CLIP2: variants seen among roughly 807,000 people sequenced by gnomAD.
The protein encoded by CLIP2 is CAP-Gly domain containing linker protein 2.
In CLIP2, 41 loss-of-function variants were observed where a neutral mutation model predicts 111.7. The observed-to-expected ratio is 0.37, with a 90% CI of 0.29 to 0.48. CLIP2 has a LOEUF of 0.48. CLIP2 is among the 20% of genes least tolerant of loss of function. The pLI, the probability that CLIP2 is intolerant of heterozygous loss-of-function variation, is 0.99. For missense variants in CLIP2, 1,160 were observed against 1,422.1 expected (o/e 0.82, Z 2.96); for synonymous variants, 660 against 644.2 (o/e 1.02, Z -0.37).
At chr7:74,374,704 G>A (rs911399157) in intron 9 of CLIP2, among the ~76,000 whole-genome samples, 1 of 151,934 alleles carries the variant, frequency 6.6e-6, no homozygotes, top group Non-Finnish European at 1.5e-5. Flanking sequence ...CTGGGCAAGA[G>A]AGTGAGACTC....
Position 74,356,506 on chromosome 7 carries a change from G to T in CLIP2, c.900G>T (p.Lys300Asn). Residue 300 changes from lysine to asparagine, a missense_variant, in exon 5 of 17, where the codon AAG becomes AAT. Coordinates refer to ENST00000223398, the MANE Select transcript of CLIP2 (RefSeq NM_003388.5). Reference sequence around the variant, plus strand: ...CTACCAGCCCAGCCAAGGCCAAGAAGACCAAGCGTATGGCCATGGGTGTGT... The same window carrying T: ...CTACCAGCCCAGCCAAGGCCAAGAATACCAAGCGTATGGCCATGGGTGTGT... Reference protein sequence around the residue: ...FPSTSPAKAKKTKRMAMGVSA... With the variant: ...FPSTSPAKAKNTKRMAMGVSA... The T allele has an allele frequency of 6.2e-7, 1 of 1,614,196 alleles. No individual in the cohort carries two copies. The highest frequency in any genetic ancestry group is 1.3e-5 in the African/African-American group (1 of 75,050).
At position 74,400,479 on chromosome 7, in the gene CLIP2, T is replaced by A; in HGVS notation, c.2990T>A (p.Leu997Gln). ...QHQLMSTEDA[L>Q]RDALDQAQQV... is the part of the protein sequence containing the mutation. ...CAGCTGATGAGCACGGAGGACGCCC[T>A]GCGGGATGCGCTGGACCAGGCTCAG... The change falls in exon 15 of 17, where the codon CTG (leucine) becomes CAG (glutamine). Residue 997 changes from leucine to glutamine, a missense_variant. Leu to Gln is a moderately radical substitution (Grantham distance 113). Transcript: ENST00000223398. The A allele has an allele frequency of 6.2e-7, 1 of 1,613,928 alleles. No homozygotes were observed. The highest frequency in any genetic ancestry group is 8.5e-7 in the Non-Finnish European group (1 of 1,179,894).
chr7:74,384,309 AT>A (rs2116676284), intron 11 of CLIP2, among the ~76,000 whole-genome samples: 1 of 152,170 alleles, frequency 6.6e-6, no homozygotes, highest in South Asian at 2.1e-4. Context: ...GCTGATGGGC[AT>A]TTGGGTTGTT....
chr7:74,386,303 G>C, intron 11 of CLIP2: 1 of 397,552 alleles, frequency 2.5e-6, no homozygotes, highest in Non-Finnish European at 4.5e-6. Flanking sequence ...GCCTCCCAAA[G>C]TGCTGGGATT....
In CLIP2 at chr7:74,360,245, T is replaced by C. The variant is rs1790289581; in HGVS notation, c.1286T>C (p.Val429Ala). 2 of 1,605,686 alleles carry C rather than the reference T, an allele frequency of 1.2e-6. No individual in the cohort carries two copies. Among genetic ancestry groups the C allele is most frequent in the African/African-American group, 2.7e-5 (2 of 74,930 alleles). ...LLVESVRKEKVDLSNQLEEER... is the reference protein window; with the variant it reads ...LLVESVRKEKADLSNQLEEER... ...GTGGAGAGCGTGCGGAAAGAGAAGG[T>C]GGACCTGTCCAACCAGCTGGAGGAG... Residue 429 changes from valine (V) to alanine (A), a missense_variant, in exon 7 of 17, where the codon GTG (valine) becomes GCG (alanine). Around this residue, in one of 5 missense-constraint regions of CLIP2, gnomAD observed 70 missense variants for 114.9 expected, o/e 0.61. Coordinates refer to ENST00000223398, the MANE Select transcript of CLIP2 (RefSeq NM_003388.5).
Position 74,370,473 on chromosome 7 carries a change from T to C in CLIP2, c.1381-2459T>C, listed in dbSNP as rs1177631357. On this transcript the variant is annotated intron_variant, in intron 8 of 16. Coordinates refer to ENST00000223398, the MANE Select transcript of CLIP2 (RefSeq NM_003388.5). ...TCCGTCTCAAAAAAAAAAAAAAAAC[T>C]AATTTAAAAATAAAAATGTAAATCA... Among the ~76,000 whole-genome samples, 162 of 149,534 alleles carry C rather than the reference T, an allele frequency of 1.1e-3. 1 individual carries two copies. Among genetic ancestry groups the C allele is most frequent in the Non-Finnish European group, 6.8e-4 (46 of 67,310 alleles).
intron 9 of CLIP2, 53 bp from the exon 10 acceptor site, chr7:74,375,834 C>A (rs1278331869): frequency 2.1e-6 from 3 of 1,437,592 alleles, no homozygotes; most frequent in East Asian, 5.0e-5. Context: ...GCCCTCCTTA[C>A]CTTCCAGCCA....
chr7:74,395,870 C>T (rs1562730235), intron 13 of CLIP2, among the ~76,000 whole-genome samples: 2 of 152,178 alleles, frequency 1.3e-5, no homozygotes, highest in African/African-American at 4.8e-5. Flanking sequence ...GGTTCAGGAG[C>T]TTAAGATCTC....
intron 12 of CLIP2, 103 bp downstream of exon 12, chr7:74,386,707 C>G (rs1193425600): frequency 1.2e-6 from 1 of 809,114 alleles, no homozygotes; most frequent in Non-Finnish European, 1.9e-6. Context: ...GCTTAGGGTC[C>G]CCTCCCCGAC....
chr7:74,324,469 C>CG (rs1221871853), intron 2 of CLIP2, among the ~76,000 whole-genome samples: 1 of 152,130 alleles, frequency 6.6e-6, no homozygotes, highest in African/African-American at 2.4e-5. Flanking sequence ...TCACATTGCC[C>CG]GGTGGTCTGG....
chr7:74,350,616 G>A (rs906125154), intron 3 of CLIP2, among the ~76,000 whole-genome samples: 1 of 152,040 alleles, frequency 6.6e-6, no homozygotes, highest in Non-Finnish European at 1.5e-5. Context: ...TGTAATTCCA[G>A]CACTCTGGGA....
chr7:74,343,415 A>G (rs544817117), intron 3 of CLIP2, among the ~76,000 whole-genome samples: 2 of 152,110 alleles, frequency 1.3e-5, no homozygotes, highest in African/African-American at 4.8e-5. Context: ...GTCTGTGGGC[A>G]CCTACTGGGG....
At chr7:74,369,413 C>T (rs958471704) in intron 8 of CLIP2, among the ~76,000 whole-genome samples, 1 of 149,300 alleles carries the variant, frequency 6.7e-6, no homozygotes, top group Admixed American at 6.6e-5. Flanking sequence ...GGCATGGTAG[C>T]ACGCCTGTAG....
intron 3 of CLIP2, among the ~76,000 whole-genome samples, chr7:74,339,412 T>C (rs1395523750): frequency 6.6e-6 from 1 of 152,030 alleles, no homozygotes; most frequent in Non-Finnish European, 1.5e-5. Flanking sequence ...TTCAAGCAAT[T>C]CTCCTGTCTC....
In CLIP2 at chr7:74,400,484, G is replaced by T; in HGVS notation, c.2995G>T (p.Asp999Tyr). ...GATGAGCACGGAGGACGCCCTGCGG[G>T]ATGCGCTGGACCAGGCTCAGCAGGT... ...QLMSTEDALRDALDQAQQVEK... is the reference protein window; with the variant it reads ...QLMSTEDALRYALDQAQQVEK... Residue 999 changes from aspartate to tyrosine, a missense_variant, in exon 15 of 17, where the codon GAT becomes TAT. Physicochemically the swap from Asp to Tyr is radical, Grantham distance 160 (BLOSUM62 -3). Around this residue, in one of 5 missense-constraint regions of CLIP2, gnomAD observed 676 missense variants for 777.8 expected, o/e 0.87. Transcript: ENST00000223398. 1 of 1,613,790 alleles carries T rather than the reference G, an allele frequency of 6.2e-7. No homozygotes were observed. The highest frequency in any genetic ancestry group is 8.5e-7 in the Non-Finnish European group (1 of 1,179,834).
At chr7:74,357,179 C>G in intron 5 of CLIP2, 101 bp from the exon 6 acceptor site, 1 of 1,040,422 alleles carries the variant, frequency 9.6e-7, no homozygotes, top group South Asian at 1.5e-5. Context: ...GGCACTTGGG[C>G]TCCCACCTGC....
At chr7:74,317,261 G>A (rs1254071561) in intron 1 of CLIP2, among the ~76,000 whole-genome samples, 1 of 152,168 alleles carries the variant, frequency 6.6e-6, no homozygotes, top group Non-Finnish European at 1.5e-5. Flanking sequence ...CTCTCTGTGT[G>A]TTTGTCCTGC....
Position 74,298,098 on chromosome 7 carries a change from G to A in CLIP2, c.-68+8364G>A, listed in dbSNP as rs538690624. 4.2e-4 allele frequency among the ~76,000 whole-genome samples: 64 copies of A among 152,008 alleles called. No homozygotes were observed. The East Asian group carries it at 8.3e-3, about 20-fold the overall frequency. Reference sequence around the variant, plus strand: ...CAGTGCCCACGCTTGCAATCTCAGCGCTTTGGGAGGCCGAGGCAGGAGGAT... The same window carrying A: ...CAGTGCCCACGCTTGCAATCTCAGCACTTTGGGAGGCCGAGGCAGGAGGAT... On this transcript the variant is annotated intron_variant, in intron 1 of 16. Transcript: ENST00000223398.
In CLIP2 at chr7:74,393,631, G is replaced by A. The variant is rs138086695; in HGVS notation, c.2721-3443G>A. 1.2e-3 allele frequency among the ~76,000 whole-genome samples: 180 copies of A among 152,156 alleles called. 1 individual carries two copies. The highest frequency in any genetic ancestry group is 2.9e-3 in the African/African-American group (120 of 41,532). On this transcript the variant is annotated intron_variant, in intron 13 of 16. Coordinates refer to ENST00000223398, the MANE Select transcript of CLIP2 (RefSeq NM_003388.5). The stretch of plus-strand genomic sequence containing the variant: ...GAATACAGGTGTGAGCCACTCTGCC[G>A]GGCCCAGCATTTGCATTTCAACCCA...
Sources: gnomAD v4.1 joint callset for allele counts (sites outside exome capture counted in the v4.1 genomes callset) on GRCh38, gnomAD v4.1.1 for gene constraint, gnomAD v4.1.1 regional missense constraint, MANE v1.5 for transcripts, NCBI Gene and HGNC (gene_info 2026-07-23, HGNC 2026-07-21) for gene names.